FBXL17: variants seen among roughly 807,000 people sequenced by gnomAD.
FBXL17 encodes the protein F-box/LRR-repeat protein 17.
In FBXL17, 22 loss-of-function variants were observed where a neutral mutation model predicts 66.2. The ratio of observed to expected loss-of-function variants is 0.33; its 90% confidence interval spans 0.24 to 0.47. FBXL17 has a LOEUF of 0.47. Among genes scored for constraint, FBXL17 ranks in the 20% least tolerant of loss-of-function variants. FBXL17 has a pLI of 1.00. For missense variants in FBXL17, 878 were observed against 948.2 expected, an observed-to-expected ratio of 0.93 and a Z score of 0.97; for synonymous variants, 474 against 400.5, an observed-to-expected ratio of 1.18 and a Z score of -2.19.
rs547062771 is a variant in FBXL17 at position 108,154,604 on chromosome 5, A to ATAT, written c.1745+31512_1745+31513insATA. Among the ~76,000 whole-genome samples the ATAT allele has an allele frequency of 3.1e-3, 227 of 72,568 alleles. 2 individuals are homozygous for ATAT. Among genetic ancestry groups the ATAT allele is most frequent in the African/African-American group, 0.01 (179 of 17,346 alleles). The allele number at this position is 72,568 out of a possible 152,430, so 47.6% of individuals were successfully genotyped here. On this transcript the variant is annotated intron_variant, in intron 6 of 8. Transcript: ENST00000542267. ...AAACTCAGTTTCAAAAAAAAAAAAA[A>ATAT]AAATATATATATACACACACACACA...
chr5:108,303,038 C>T (rs1405362128), intron 4 of FBXL17, among the ~76,000 whole-genome samples: 2 of 151,662 alleles, frequency 1.3e-5, no homozygotes, highest in South Asian at 2.1e-4. Flanking sequence ...CATTTAAGCC[C>T]TTGGTCTAAA....
rs530970481 is a variant in FBXL17 at position 108,193,335 on chromosome 5, C to T, written c.1615-7088G>A. On this transcript the variant is annotated intron_variant, in intron 5 of 8. Transcript: ENST00000542267. ...GCAGTTATAAGAAAACTGGGAAGAG[C>T]TTCCTATTAAAGACAGGGAGAGTGA... is the stretch of plus-strand genomic sequence containing the variant. Among the ~76,000 whole-genome samples the T allele has an allele frequency of 3.9e-5, 6 of 152,148 alleles. 1 individual carries two copies. The highest frequency in any genetic ancestry group is 9.6e-5 in the African/African-American group (4 of 41,490).
intron 7 of FBXL17, among the ~76,000 whole-genome samples, chr5:107,958,436 G>T (rs1041330833): frequency 6.6e-6 from 1 of 152,114 alleles, no homozygotes; most frequent in Admixed American, 6.6e-5. Flanking sequence ...TAGAAAATTT[G>T]AGAATCAACA....
chr5:108,262,796 A>C (rs1479628468), intron 4 of FBXL17, among the ~76,000 whole-genome samples: 1 of 152,206 alleles, frequency 6.6e-6, no homozygotes, highest in Non-Finnish European at 1.5e-5. Context: ...ATTGTCATGA[A>C]GTGTTCTGGA....
chr5:108,295,325 A>C (rs144951193), intron 4 of FBXL17, among the ~76,000 whole-genome samples: 121 of 152,042 alleles, frequency 8.0e-4, no homozygotes, highest in African/African-American at 2.8e-3. Context: ...AATATAAAAA[A>C]TAACATTGAG....
chr5:108,298,760 T>C lies in FBXL17; in HGVS notation c.1506+49639A>G. 4.0e-6 allele frequency: 3 copies of C among 757,508 alleles called. 1 individual carries two copies. The highest frequency in any genetic ancestry group is 4.8e-6 in the Non-Finnish European group (3 of 622,332). The allele number at this position is 757,508 out of a possible 1,614,324, so 46.9% of individuals were successfully genotyped here. A position where few individuals can be genotyped will look rare whatever the true frequency, so the allele number is the denominator to read the frequency against. ...AATTTTTAAATCCATGTTTGTTTAT[T>C]CACTATTCTTAACCATTAATCAAAA... is the stretch of plus-strand genomic sequence containing the variant. On this transcript the variant is annotated intron_variant, in intron 4 of 8. Transcript: ENST00000542267.
At chr5:108,045,672 T>A (rs1450714417) in intron 6 of FBXL17, among the ~76,000 whole-genome samples, 2 of 152,226 alleles carry the variant, frequency 1.3e-5, no homozygotes, top group Non-Finnish European at 2.9e-5. Flanking sequence ...CATGTCAATT[T>A]AGTCCAATAT....
At chr5:107,957,523 T>G (rs1247812232) in intron 7 of FBXL17, among the ~76,000 whole-genome samples, 1 of 152,190 alleles carries the variant, frequency 6.6e-6, no homozygotes, top group Non-Finnish European at 1.5e-5. Context: ...ATGATGTTAG[T>G]GAACAGAGAG....
At chr5:108,367,049 CT>C (rs945474044) in intron 2 of FBXL17, among the ~76,000 whole-genome samples, 2 of 151,612 alleles carry the variant, frequency 1.3e-5, no homozygotes, top group Admixed American at 6.6e-5. Context: ...CAAATCAGGG[CT>C]TTTTTTTAAA....
At chr5:108,049,623 C>T (rs537986076) in intron 6 of FBXL17, among the ~76,000 whole-genome samples, 3 of 152,310 alleles carry the variant, frequency 2.0e-5, no homozygotes, top group African/African-American at 7.2e-5. Context: ...GTACCAGCTA[C>T]TGCAAAATCA....
chr5:108,268,703 G>A (rs1757144310), intron 4 of FBXL17, among the ~76,000 whole-genome samples: 1 of 152,018 alleles, frequency 6.6e-6, no homozygotes, highest in African/African-American at 2.4e-5. Flanking sequence ...GTTGATATCA[G>A]TTACTACATA....
At chr5:108,304,685 A>G (rs773068955) in intron 4 of FBXL17, among the ~76,000 whole-genome samples, 2 of 152,006 alleles carry the variant, frequency 1.3e-5, no homozygotes, top group Non-Finnish European at 2.9e-5. Context: ...TCTTACAATT[A>G]TCAATACAAG....
intron 7 of FBXL17, among the ~76,000 whole-genome samples, chr5:107,976,121 T>C (rs1752575554): frequency 6.6e-6 from 1 of 152,172 alleles, no homozygotes; most frequent in Non-Finnish European, 1.5e-5. Context: ...CCTCCCAAAG[T>C]GCTGGGATTA....
At chr5:108,069,416 TGA>T in intron 6 of FBXL17, among the ~76,000 whole-genome samples, 1 of 152,326 alleles carries the variant, frequency 6.6e-6, no homozygotes, top group South Asian at 2.1e-4. Flanking sequence ...ATATGGAATA[TGA>T]GTGCTATCTA....
At chr5:108,006,471 G>C (rs188106673) in intron 7 of FBXL17, among the ~76,000 whole-genome samples, 3 of 152,170 alleles carry the variant, frequency 2.0e-5, no homozygotes, top group East Asian at 3.8e-4. Flanking sequence ...AAGGTGAATA[G>C]TGATGCCATT....
chr5:107,945,419 T>TCC, intron 7 of FBXL17, among the ~76,000 whole-genome samples: 1 of 152,290 alleles, frequency 6.6e-6, no homozygotes, highest in South Asian at 2.1e-4. Flanking sequence ...TACACAAGGA[T>TCC]ATTCATTGCA....
chr5:107,954,959 A>G (rs552768598), intron 7 of FBXL17, among the ~76,000 whole-genome samples: 3 of 152,290 alleles, frequency 2.0e-5, no homozygotes, highest in African/African-American at 7.2e-5. Flanking sequence ...AGGAAATTCA[A>G]TCTTGTTAAT....
Position 108,141,071 on chromosome 5 carries a change from G to A in FBXL17, c.1745+45046C>T, listed in dbSNP as rs569231990. On this transcript the variant is annotated intron_variant, in intron 6 of 8. Coordinates refer to ENST00000542267, the MANE Select transcript of FBXL17 (RefSeq NM_001163315.3). Reference sequence around the variant, plus strand: ...TTCCCCTATTCAGAGTTTCCTTCACGGTGGCCCCTGTCTACCTTGCCTGCT... The same window carrying A: ...TTCCCCTATTCAGAGTTTCCTTCACAGTGGCCCCTGTCTACCTTGCCTGCT... Among the ~76,000 whole-genome samples the A allele has an allele frequency of 6.6e-5, 10 of 152,050 alleles. No homozygotes were observed. In the South Asian group the frequency reaches 1.7e-3, roughly 25 times the overall value.
At chr5:108,053,893 A>G (rs1747580996) in intron 6 of FBXL17, among the ~76,000 whole-genome samples, 1 of 152,238 alleles carries the variant, frequency 6.6e-6, no homozygotes, top group African/African-American at 2.4e-5. Context: ...TTGATAAAGA[A>G]AATGTGGTAC....
Sources: allele counts gnomAD v4.1 joint callset (sites outside exome capture counted in the v4.1 genomes callset), GRCh38; gene constraint gnomAD v4.1.1; transcripts MANE v1.5; gene names NCBI Gene and HGNC (gene_info 2026-07-23, HGNC 2026-07-21).